IGF1: variants seen among roughly 807,000 people sequenced by gnomAD.
IGF1 encodes the protein insulin-like growth factor 1.
IGF1 carries 4 observed loss-of-function variants against 13.8 expected under a neutral mutation model. The ratio of observed to expected loss-of-function variants is 0.29; its 90% confidence interval spans 0.14 to 0.66. The LOEUF (loss-of-function observed/expected upper bound fraction) is 0.66, where lower values mean the gene tolerates loss of function less well. Ranked by LOEUF, IGF1 falls within the 30% of genes least tolerant of loss-of-function variation. The pLI is 0.78. For synonymous variants in IGF1, 76 were observed against 72.6 expected (o/e 1.05, Z -0.23); for missense variants, 124 against 188.5 (o/e 0.66, Z 2.00).
At chr12:102,415,564 T>TTCCG (rs1875048314) in intron 3 of IGF1, 1 of 140,884 alleles carries the variant, frequency 7.1e-6, no homozygotes. Flanking sequence ...CCTTCCTTCC[T>TTCCG]TCCTTCCTTC....
Position 102,396,697 on chromosome 12 carries a change from A to G in IGF1, c.*5810T>C. 2.5e-6 allele frequency: 1 copy of G among 392,168 alleles called. No individual in the cohort carries two copies. The highest frequency in any genetic ancestry group is 4.4e-5 in the Admixed American group (1 of 22,574). The allele number at this position is 392,168 out of a possible 1,614,324, so 24.3% of individuals were successfully genotyped here. On this transcript the variant is annotated 3_prime_UTR_variant, in exon 4 of 4. Transcript: ENST00000337514. ...TGGAAGGTCATGTTTTTGAAAGTGA[A>G]AGGTAATTCAGCTCCGGTTATTAGG...
chr12:102,443,874 G>A (rs1245864366), intron 2 of IGF1, among the ~76,000 whole-genome samples: 1 of 151,782 alleles, frequency 6.6e-6, no homozygotes, highest in Non-Finnish European at 1.5e-5. Context: ...ACCTAGGCTG[G>A]AATGTAATGA....
chr12:102,462,989 T>G (rs1341783014), intron 2 of IGF1: 5 of 152,136 alleles, frequency 3.3e-5, no homozygotes, highest in Non-Finnish European at 7.4e-5. Context: ...ATTGAGGGTG[T>G]CCAGCCAAAA....
chr12:102,476,410 TGA>T lies in IGF1; in HGVS notation c.64-613_64-612del, dbSNP rs36047405. 5.4e-3 allele frequency among the ~76,000 whole-genome samples: 747 copies of T among 138,482 alleles called. 2 individuals are homozygous for T. Among genetic ancestry groups the T allele is most frequent in the South Asian group, 0.016 (66 of 4,068 alleles). 90.8% of individuals were successfully genotyped at this position (138,482 alleles called of 152,430 possible). A position where few individuals can be genotyped will look rare whatever the true frequency, so the allele number is the denominator to read the frequency against. ...TTGTTTTTGTTTTGTTTCCTCAATA[TGA>T]GAGAGAGAGAGAGAGAGAGAGAGAG... is the stretch of plus-strand genomic sequence containing the variant. On this transcript the variant is annotated intron_variant, in intron 1 of 3. Transcript: ENST00000337514.
intron 3 of IGF1, among the ~76,000 whole-genome samples, chr12:102,412,696 A>G (rs973041962): frequency 1.3e-5 from 2 of 152,232 alleles, no homozygotes; most frequent in Admixed American, 6.5e-5. Context: ...AATGAAAGTT[A>G]TAATTGAGTT....
At chr12:102,419,478 G>C in intron 3 of IGF1, 31 bp downstream of exon 3, 1 of 1,605,704 alleles carries the variant, frequency 6.2e-7, no homozygotes, top group Non-Finnish European at 8.5e-7. Flanking sequence ...GACCACTTGA[G>C]GATGGCTGGA....
rs148715457 is a variant in IGF1 at position 102,445,022 on chromosome 12, G to A, written c.221-25332C>T. Among the ~76,000 whole-genome samples the A allele has an allele frequency of 5.7e-4, 87 of 152,064 alleles. 1 individual carries two copies. The East Asian group carries it at 0.012, about 21-fold the overall frequency. ...CTTTCCCCATTGCTTGTTTTTGTCC[G>A]GTTTGTCAAAGTTCAGGTGGTTGTA... On this transcript the variant is annotated intron_variant, in intron 2 of 3. Coordinates refer to ENST00000337514, the MANE Select transcript of IGF1 (RefSeq NM_000618.5).
chr12:102,435,692 G>A (rs1487311879), intron 2 of IGF1, among the ~76,000 whole-genome samples: 2 of 152,176 alleles, frequency 1.3e-5, no homozygotes, highest in Non-Finnish European at 2.9e-5. Context: ...CTCATGAAAG[G>A]ATGAAATTCA....
At chr12:102,464,704 A>C (rs1408302434) in intron 2 of IGF1, among the ~76,000 whole-genome samples, 1 of 151,994 alleles carries the variant, frequency 6.6e-6, no homozygotes, top group African/African-American at 2.4e-5. Context: ...ATGGTGATAA[A>C]ACTCACAATT....
intron 2 of IGF1, among the ~76,000 whole-genome samples, chr12:102,424,223 G>A (rs1434749138): frequency 6.7e-6 from 1 of 149,220 alleles, no homozygotes; most frequent in Non-Finnish European, 1.5e-5. Context: ...ACAGGAAGAG[G>A]TTCCAAAGTT....
At chr12:102,457,341 C>T (rs540824952) in intron 2 of IGF1, among the ~76,000 whole-genome samples, 5 of 152,108 alleles carry the variant, frequency 3.3e-5, no homozygotes, top group South Asian at 2.1e-4. Context: ...CTATCTGGAC[C>T]GGGGGATACA....
intron 3 of IGF1, among the ~76,000 whole-genome samples, chr12:102,407,688 G>T (rs1320597858): frequency 6.6e-6 from 1 of 152,154 alleles, no homozygotes. Flanking sequence ...AATATCATGA[G>T]CTGCCCATGC....
intron 3 of IGF1, among the ~76,000 whole-genome samples, chr12:102,404,425 G>A (rs983897166): frequency 6.6e-6 from 1 of 152,262 alleles, no homozygotes; most frequent in Admixed American, 6.5e-5. Context: ...CATGTTTTCC[G>A]GTTCTACTTG....
intron 2 of IGF1, among the ~76,000 whole-genome samples, chr12:102,456,221 G>GGTGTGTGTGTGT (rs59075811): frequency 3.5e-4 from 49 of 140,274 alleles, no homozygotes; most frequent in Middle Eastern, 7.3e-3. Context: ...ATTTAAAAAA[G>GGTGTGTGTGTGT]GTGTGTGTGT....
intron 2 of IGF1, among the ~76,000 whole-genome samples, chr12:102,428,073 G>A (rs1387385229): frequency 6.6e-6 from 1 of 151,386 alleles, no homozygotes; most frequent in Non-Finnish European, 1.5e-5. Flanking sequence ...TTGGATTACA[G>A]CCCCAAATCC....
At chr12:102,463,483 C>T (rs915011005) in intron 2 of IGF1, 2 of 152,162 alleles carry the variant, frequency 1.3e-5, no homozygotes, top group African/African-American at 2.4e-5. Flanking sequence ...TTAAAATCAG[C>T]TTTTTCCTTT....
At chr12:102,421,926 A>G (rs1875756752) in intron 2 of IGF1, among the ~76,000 whole-genome samples, 1 of 152,218 alleles carries the variant, frequency 6.6e-6, no homozygotes, top group Non-Finnish European at 1.5e-5. Flanking sequence ...GAGAGTTTCT[A>G]TGATTGTATA....
At chr12:102,404,613 C>A (rs538902300) in intron 3 of IGF1, among the ~76,000 whole-genome samples, 1 of 152,288 alleles carries the variant, frequency 6.6e-6, no homozygotes, top group African/African-American at 2.4e-5. Context: ...AGAAACTGGG[C>A]ATTTGTATAG....
At chr12:102,410,326 C>T (rs761630929) in intron 3 of IGF1, among the ~76,000 whole-genome samples, 4 of 152,138 alleles carry the variant, frequency 2.6e-5, no homozygotes, top group African/African-American at 9.7e-5. Context: ...ATTTTATGGG[C>T]AGCTTGTTTG....
Sources: allele counts gnomAD v4.1 joint callset (sites outside exome capture counted in the v4.1 genomes callset), GRCh38; gene constraint gnomAD v4.1.1; transcripts MANE v1.5; gene names NCBI Gene and HGNC (gene_info 2026-07-23, HGNC 2026-07-21).